The following CIITA variants were observed in gnomAD, a reference collection of about 807,000 sequenced individuals.
The protein encoded by CIITA is MHC class II transactivator.
In CIITA, 72 loss-of-function variants were observed where a neutral mutation model predicts 115.1. The observed-to-expected ratio is 0.63, with a 90% confidence interval of 0.52 to 0.76. The LOEUF (loss-of-function observed/expected upper bound fraction) is 0.76, where lower values mean the gene tolerates loss of function less well. Among genes scored for constraint, CIITA ranks in the 30% least tolerant of loss-of-function variants. The pLI, the probability that CIITA is intolerant of heterozygous loss-of-function variation, is 0.00. For synonymous variants in CIITA, 763 were observed against 635.6 expected, an observed-to-expected ratio of 1.20 and a Z score of -3.02; for missense variants, 1,617 against 1,463.8, an observed-to-expected ratio of 1.10 and a Z score of -1.71.
rs145890807 is a variant in CIITA at position 10,923,357 on chromosome 16, G to A, written c.*22+32G>A. ...AGGGTGGGCTTGGGAGGGGAGAGCC[G>A]CAGTGGGTTGGGGGCAGTGTCCTTG... On this transcript the variant is annotated intron_variant, in intron 19 of 19. Transcript: ENST00000324288. This position sits in a 1 kb window ranked among gnomAD's most constrained non-coding sequence, Gnocchi z 5.2. The A allele has an allele frequency of 2.9e-4, 427 of 1,490,766 alleles. No homozygotes were observed. In the African/African-American group the frequency reaches 4.9e-3, roughly 17 times the overall value. The allele number at this position is 1,490,766 out of a possible 1,614,324, so 92.3% of individuals were successfully genotyped here. A position where few individuals can be genotyped will look rare whatever the true frequency, so the allele number is the denominator to read the frequency against.
At chr16:10,904,853 G>A (rs2039030697) in intron 10 of CIITA, 41 bp downstream of exon 10, 1 of 1,602,276 alleles carries the variant, frequency 6.2e-7, no homozygotes, top group Non-Finnish European at 8.6e-7. Flanking sequence ...TGGTGGAGAT[G>A]GAAGCCCATA....
At position 10,904,832 on chromosome 16, in the gene CIITA, T is replaced by C; in HGVS notation, c.1006+20T>C. Reference sequence around the variant, plus strand: ...GGCCTGGTGAGTGATGCGGGATCTCTCTGCCCTGGGTGGTGGAGATGGAAG... The same window carrying C: ...GGCCTGGTGAGTGATGCGGGATCTCCCTGCCCTGGGTGGTGGAGATGGAAG... On this transcript the variant is annotated intron_variant, in intron 10 of 19. Coordinates refer to ENST00000324288, the MANE Select transcript of CIITA (RefSeq NM_000246.4). 1 of 1,613,820 alleles carries C rather than the reference T, an allele frequency of 6.2e-7. No individual in the cohort carries two copies.
At chr16:10,908,504 C>G in intron 11 of CIITA, 1 of 435,894 alleles carries the variant, frequency 2.3e-6, no homozygotes, top group South Asian at 2.1e-5. Flanking sequence ...GCCATGGCCT[C>G]CCCTTGGACT....
chr16:10,872,924 T>C (rs886865749), upstream of CIITA, among the ~76,000 whole-genome samples: 13 of 152,340 alleles, frequency 8.5e-5, no homozygotes, highest in Middle Eastern at 6.8e-3. Context: ...AATCTAAAAC[T>C]CCATTCATTC....
At chr16:10,884,406 C>G (rs986185458) in intron 1 of CIITA, among the ~76,000 whole-genome samples, 1 of 152,152 alleles carries the variant, frequency 6.6e-6, no homozygotes, top group Admixed American at 6.5e-5. Context: ...ACCATTCTTT[C>G]ATTCATTCAT....
intron 3 of CIITA, among the ~76,000 whole-genome samples, chr16:10,896,071 G>T (rs1451105089): frequency 6.6e-6 from 1 of 151,558 alleles, no homozygotes; most frequent in Non-Finnish European, 1.5e-5. Context: ...TTTCTACAAA[G>T]CCCATACCAT....
Position 10,879,447 on chromosome 16 carries a change from C to T in CIITA, c.52+2065C>T, listed in dbSNP as rs1037340529. On this transcript the variant is annotated intron_variant, in intron 1 of 19. Coordinates refer to ENST00000324288, the MANE Select transcript of CIITA (RefSeq NM_000246.4). This position sits in a 1 kb window ranked among gnomAD's most constrained non-coding sequence, Gnocchi z 4.3. ...ACGCCAGACTTTGGACCAGGGCCGC[C>T]GTTCCCTGAGCTTCACTTTCCCTGT... Among the ~76,000 whole-genome samples, 1 of 152,220 alleles carries T rather than the reference C, an allele frequency of 6.6e-6. No individual in the cohort carries two copies. The highest frequency in any genetic ancestry group is 2.4e-5 in the African/African-American group (1 of 41,454).
chr16:10,911,190 T>TTTTC (rs968693458), intron 13 of CIITA, among the ~76,000 whole-genome samples: 1 of 111,874 alleles, frequency 8.9e-6, no homozygotes, highest in Non-Finnish European at 2.0e-5. Context: ...AGAATATAGC[T>TTTTC]TTTCTTTCTT....
rs542330678 is a variant in CIITA at position 10,920,813 on chromosome 16, C to T, written c.3150-1354C>T. Among the ~76,000 whole-genome samples, 4 of 152,166 alleles carry T rather than the reference C, an allele frequency of 2.6e-5. No homozygotes were observed. The highest frequency in any genetic ancestry group is 7.2e-5 in the African/African-American group (3 of 41,432). ...GTTTCTGCACTGGTACCGGCCGACC[C>T]GTGATGTGAGTTGATTTAGCCTGAA... On this transcript the variant is annotated intron_variant, in intron 16 of 19. Coordinates refer to ENST00000324288, the MANE Select transcript of CIITA (RefSeq NM_000246.4). This position sits in a 1 kb window ranked among gnomAD's most constrained non-coding sequence, Gnocchi z 4.5.
chr16:10,919,182 T>G (rs1027313231), intron 16 of CIITA, among the ~76,000 whole-genome samples: 2 of 151,988 alleles, frequency 1.3e-5, no homozygotes, highest in African/African-American at 2.4e-5. Flanking sequence ...TATTATTTAT[T>G]TATTTTTAAT....
chr16:10,902,244 T>C (rs1451873935), intron 7 of CIITA, 60 bp downstream of exon 7: 4 of 1,605,602 alleles, frequency 2.5e-6, no homozygotes, highest in African/African-American at 2.7e-5. Context: ...GATAAGGAGT[T>C]GACACTAAGG....
At chr16:10,909,392 T>A (rs899605195) in intron 12 of CIITA, among the ~76,000 whole-genome samples, 2 of 152,328 alleles carry the variant, frequency 1.3e-5, no homozygotes, top group African/African-American at 4.8e-5. Context: ...TTTGCTGCAT[T>A]CAAAACCTGC....
intron 17 of CIITA, 35 bp downstream of exon 17, chr16:10,922,285 C>T: frequency 6.2e-7 from 1 of 1,609,282 alleles, no homozygotes; most frequent in Non-Finnish European, 8.5e-7. Context: ...GGTGGCTCAG[C>T]CCGGGGTGGG....
chr16:10,903,848 T>C lies in CIITA; in HGVS notation c.890T>C (p.Leu297Pro). Residue 297 changes from leucine (L) to proline (P), a missense_variant, in exon 9 of 20, where the codon CTG becomes CCG. Coordinates refer to ENST00000324288, the MANE Select transcript of CIITA (RefSeq NM_000246.4). ...CCCTTCGCTCCATCAGCCACTGACC[T>C]GCCCAGCATGCCTGAACCTGCCCTG... is the stretch of plus-strand genomic sequence containing the variant. ...TSPFAPSATD[L>P]PSMPEPALTS... 6.2e-7 allele frequency: 1 copy of C among 1,614,182 alleles called. No individual in the cohort carries two copies. Among genetic ancestry groups the C allele is most frequent in the Non-Finnish European group, 8.5e-7 (1 of 1,180,020 alleles).
At chr16:10,902,564 T>G in intron 7 of CIITA, 94 bp from the exon 8 acceptor site, 2 of 1,520,646 alleles carry the variant, frequency 1.3e-6, no homozygotes, top group Non-Finnish European at 1.8e-6. Flanking sequence ...TTAGGGCCCT[T>G]TAGGGGGGTC....
chr16:10,906,353 C>T lies in CIITA; in HGVS notation c.1007-146C>T, dbSNP rs567464119. On this transcript the variant is annotated intron_variant, in intron 10 of 19. Coordinates refer to ENST00000324288, the MANE Select transcript of CIITA (RefSeq NM_000246.4). ...CCAGCCTGGGCAAAAAAGCCAGACC[C>T]TGTCTCAAAACAAAACAAAACAAAC... 81 of 1,035,940 alleles carry T rather than the reference C, an allele frequency of 7.8e-5. No individual in the cohort carries two copies. The South Asian group carries it at 1.1e-3, about 14-fold the overall frequency. 64.2% of individuals were successfully genotyped at this position (1,035,940 alleles called of 1,614,324 possible).
Position 10,902,769 on chromosome 16 carries a change from G to T in CIITA, c.740G>T (p.Gly247Val). 6.2e-7 allele frequency: 1 copy of T among 1,614,188 alleles called. No individual in the cohort carries two copies. Residue 247 changes from glycine (G) to valine (V), a missense_variant, in exon 8 of 20, where the codon GGA (glycine) becomes GTA (valine). Physicochemically the swap from Gly to Val is moderately radical, Grantham distance 109. Transcript: ENST00000324288. Reference protein sequence around the residue: ...PHGLWQISEAGTGVSSIFIYH... With the variant: ...PHGLWQISEAVTGVSSIFIYH... ...GGGCTCTGGCAAATCTCTGAGGCTG[G>T]AACAGGGGTCTCCAGTATATTCATC...
Position 10,902,079 on chromosome 16 carries a change from C to A in CIITA, c.523C>A (p.Pro175Thr). ...GGTGACTGGCAGTCTCCTAGTGGGA[C>A]CAGTGAGCGACTGCTCCACCCTGCC... ...TVVTGSLLVG[P>T]VSDCSTLPCL... Residue 175 changes from proline to threonine, a missense_variant, in exon 7 of 20, where the codon CCA (proline) becomes ACA (threonine). Coordinates refer to ENST00000324288, the MANE Select transcript of CIITA (RefSeq NM_000246.4). 1 of 1,614,168 alleles carries A rather than the reference C, an allele frequency of 6.2e-7. No homozygotes were observed. Among genetic ancestry groups the A allele is most frequent in the Non-Finnish European group, 8.5e-7 (1 of 1,180,030 alleles).
In CIITA at chr16:10,922,261, G is replaced by A. The variant is rs369389650; in HGVS notation, c.3233+11G>A. The A allele has an allele frequency of 2.5e-6, 4 of 1,613,898 alleles. No homozygotes were observed. In the African/African-American group the frequency reaches 5.3e-5, roughly 22 times the overall value. ...CCTCCGGGTGATGGAGTGAGTGTGG[G>A]AGTCTGGGCGGTGGGTGGCTCAGCC... On this transcript the variant is annotated intron_variant, in intron 17 of 19. Transcript: ENST00000324288.
Sources: allele counts gnomAD v4.1 joint callset (sites outside exome capture counted in the v4.1 genomes callset), GRCh38; gene constraint gnomAD v4.1.1; non-coding constraint Gnocchi (gnomAD v3.1); transcripts MANE v1.5; gene names NCBI Gene and HGNC (gene_info 2026-07-23, HGNC 2026-07-21).